The following EIF4G3 variants were observed in gnomAD, a reference collection of about 807,000 sequenced individuals.
The protein encoded by EIF4G3 is eIF-4-gamma 3.
In EIF4G3, 34 loss-of-function variants were observed where a neutral mutation model predicts 186.4. The observed-to-expected ratio is 0.18, with a 90% CI of 0.14 to 0.24. EIF4G3 has a LOEUF of 0.24. Ranked by LOEUF, EIF4G3 falls within the 10% of genes least tolerant of loss-of-function variation. The pLI is 1.00. For missense variants in EIF4G3, 1,536 were observed against 1,948.5 expected, an observed-to-expected ratio of 0.79 and a Z score of 3.99; for synonymous variants, 673 against 679.5, an observed-to-expected ratio of 0.99 and a Z score of 0.15.
At chr1:20,844,570 G>C (rs2070026078) in intron 29 of EIF4G3, among the ~76,000 whole-genome samples, 1 of 151,976 alleles carries the variant, frequency 6.6e-6, no homozygotes, top group South Asian at 2.1e-4. Context: ...GGCCGGGCAT[G>C]GTGGCTTACG....
chr1:20,985,822 G>A (rs1030668515), intron 7 of EIF4G3, among the ~76,000 whole-genome samples: 3 of 151,978 alleles, frequency 2.0e-5, no homozygotes, highest in African/African-American at 7.3e-5. Flanking sequence ...ATACCACTAG[G>A]GATAAGAAAC....
intron 4 of EIF4G3, among the ~76,000 whole-genome samples, chr1:21,033,211 C>T (rs2154572037): frequency 6.6e-6 from 1 of 152,046 alleles, no homozygotes; most frequent in African/African-American, 2.4e-5. Flanking sequence ...ATTTTTTAAA[C>T]AACAATGCAG....
chr1:21,010,469 AAAG>A (rs1557491090), intron 4 of EIF4G3, among the ~76,000 whole-genome samples: 1 of 151,992 alleles, frequency 6.6e-6, no homozygotes, highest in Non-Finnish European at 1.5e-5. Context: ...AGAAAAGAAA[AAAG>A]AAAACATGTA....
At chr1:20,895,329 C>T in intron 17 of EIF4G3, 39 bp downstream of exon 17, 4 of 1,592,844 alleles carry the variant, frequency 2.5e-6, no homozygotes, top group Non-Finnish European at 3.4e-6. Flanking sequence ...AATCAGTTCC[C>T]ACCAAAAAGA....
At chr1:20,818,487 C>T (rs1379327775) in intron 33 of EIF4G3, among the ~76,000 whole-genome samples, 2 of 151,954 alleles carry the variant, frequency 1.3e-5, no homozygotes, top group African/African-American at 4.8e-5. Context: ...AACACAAATA[C>T]CAAAATTAGC....
intron 14 of EIF4G3, among the ~76,000 whole-genome samples, chr1:20,924,693 G>A (rs1246856772): frequency 7.2e-5 from 11 of 152,124 alleles, no homozygotes; most frequent in Admixed American, 2.0e-4. Context: ...AGTCTCCCGC[G>A]TAGCTGGAAC....
intron 4 of EIF4G3, chr1:21,003,604 T>C (rs1236787331): frequency 1.3e-5 from 4 of 309,996 alleles, no homozygotes; most frequent in Non-Finnish European, 2.5e-5. Flanking sequence ...TCAAGGTCCA[T>C]GATGCCAGCT....
At position 21,139,193 on chromosome 1, in the gene EIF4G3, C is replaced by A. The variant is rs538355184; in HGVS notation, c.-272+36982G>T. 1.3e-3 allele frequency among the ~76,000 whole-genome samples: 191 copies of A among 152,310 alleles called. 1 individual carries two copies. The highest frequency in any genetic ancestry group is 4.4e-3 in the African/African-American group (181 of 41,582). ...AAGGGAAAAAACATCTTCCTCTACT[C>A]ATTTGCCAAACCCTGTTTATACTAT... On this transcript the variant is annotated intron_variant, in intron 2 of 36. Transcript: ENST00000602326.
At chr1:21,013,591 C>T (rs2087871399) in intron 4 of EIF4G3, among the ~76,000 whole-genome samples, 1 of 152,114 alleles carries the variant, frequency 6.6e-6, no homozygotes, top group Admixed American at 6.5e-5. Flanking sequence ...AGGGATGTCA[C>T]CGATCTGCCA....
chr1:21,076,737 C>T (rs2095601054), intron 3 of EIF4G3, among the ~76,000 whole-genome samples: 1 of 152,074 alleles, frequency 6.6e-6, no homozygotes, highest in Non-Finnish European at 1.5e-5. Context: ...TGGATATCTA[C>T]ATGCAGAGAA....
At chr1:21,029,560 A>G (rs2092544427) in intron 4 of EIF4G3, among the ~76,000 whole-genome samples, 1 of 152,014 alleles carries the variant, frequency 6.6e-6, no homozygotes, top group South Asian at 2.1e-4. Flanking sequence ...ACTTGAAGCC[A>G]GGAGTTTGAG....
At chr1:21,011,855 T>C (rs1391318303) in intron 4 of EIF4G3, among the ~76,000 whole-genome samples, 3 of 152,214 alleles carry the variant, frequency 2.0e-5, no homozygotes, top group African/African-American at 7.2e-5. Context: ...AAATTAGTAG[T>C]ACTAAGGAAA....
intron 6 of EIF4G3, chr1:20,999,752 A>G (rs185592032): frequency 2.2e-6 from 1 of 454,846 alleles, no homozygotes; most frequent in Non-Finnish European, 4.4e-6. Flanking sequence ...TTGAAATGAC[A>G]ATAGTCTTAA....
At chr1:20,926,680 G>GAA (rs376198678) in intron 14 of EIF4G3, among the ~76,000 whole-genome samples, 38,323 of 124,108 alleles carry the variant, frequency 0.31, 6,558 homozygotes, top group Non-Finnish European at 0.42. Context: ...AAAAAGAAAA[G>GAA]AAAAAAAAAA....
At chr1:21,043,843 T>C (rs1307527515) in intron 4 of EIF4G3, among the ~76,000 whole-genome samples, 3 of 148,688 alleles carry the variant, frequency 2.0e-5, no homozygotes, top group Non-Finnish European at 3.0e-5. Context: ...TGCACTCCAG[T>C]TTGGGTGACA....
At chr1:21,118,217 A>G (rs2096862358) in intron 2 of EIF4G3, among the ~76,000 whole-genome samples, 1 of 152,220 alleles carries the variant, frequency 6.6e-6, no homozygotes, top group Admixed American at 6.5e-5. Flanking sequence ...TTCACATATG[A>G]ACAAGTAATA....
intron 14 of EIF4G3, among the ~76,000 whole-genome samples, chr1:20,918,701 CTTTTTTTTTTT>C (rs35704755): frequency 6.3e-5 from 6 of 94,888 alleles, no homozygotes; most frequent in Admixed American, 1.3e-4. Context: ...CTCCTAGTAT[CTTTTTTTTTTT>C]TTTTTTTTTT....
intron 2 of EIF4G3, among the ~76,000 whole-genome samples, chr1:21,163,995 T>TCGGCC (rs1198915902): frequency 9.2e-5 from 14 of 152,024 alleles, no homozygotes; most frequent in African/African-American, 3.1e-4. Flanking sequence ...GCTGGTCTCG[T>TCGGCC]ACTCCTGACC....
At chr1:21,097,174 T>C (rs2096394534) in intron 2 of EIF4G3, among the ~76,000 whole-genome samples, 1 of 152,204 alleles carries the variant, frequency 6.6e-6, no homozygotes, top group Non-Finnish European at 1.5e-5. Context: ...AGTGTGCAGA[T>C]TCTATCAAGG....
Sources: gnomAD v4.1 joint callset for allele counts (sites outside exome capture counted in the v4.1 genomes callset) on GRCh38, gnomAD v4.1.1 for gene constraint, MANE v1.5 for transcripts, NCBI Gene and HGNC (gene_info 2026-07-23, HGNC 2026-07-21) for gene names.